TBL3: variants seen among roughly 807,000 people sequenced by gnomAD.
TBL3 encodes transducin beta-like protein 3.
In TBL3, 71 loss-of-function variants were observed where a neutral mutation model predicts 102.7. That is an observed-to-expected ratio of 0.69 (90% CI 0.57 to 0.84). The LOEUF (loss-of-function observed/expected upper bound fraction) is 0.84, where lower values mean the gene tolerates loss of function less well. TBL3 is among the 40% of genes least tolerant of loss of function. The pLI, the probability that TBL3 is intolerant of heterozygous loss-of-function variation, is 0.00. For missense variants in TBL3, 1,188 were observed against 1,098.5 expected (o/e 1.08, Z -1.15); for synonymous variants, 578 against 477.7 (o/e 1.21, Z -2.74).
rs1027565352 is a variant in TBL3 at position 1,978,076 on chromosome 16, C to A, written c.2062+15C>A. On this transcript the variant is annotated intron_variant, in intron 19 of 21. Transcript: ENST00000568546. ...TGTCATCCAGGGTCAGTGCCCACCCCGGGGGGCGAGGGGCTGGGTCTTCGG... is the reference window on the plus strand; with the variant it reads ...TGTCATCCAGGGTCAGTGCCCACCCAGGGGGGCGAGGGGCTGGGTCTTCGG... 16 of 1,603,996 alleles carry A rather than the reference C, an allele frequency of 1.0e-5. No homozygotes were observed. In the Admixed American group the frequency reaches 1.7e-4, roughly 17 times the overall value.
intron 11 of TBL3, 47 bp from the exon 12 acceptor site, chr16:1,976,009 C>T (rs775651211): frequency 6.2e-7 from 1 of 1,614,150 alleles, no homozygotes; most frequent in Non-Finnish European, 8.5e-7. Flanking sequence ...GCTTGCTTCC[C>T]TTCCCCCGTC....
intron 18 of TBL3, 61 bp downstream of exon 18, chr16:1,977,861 C>G (rs1225869697): frequency 1.3e-6 from 2 of 1,584,682 alleles, no homozygotes; most frequent in African/African-American, 2.7e-5. Flanking sequence ...GTAGGGAAAA[C>G]GAGGCTGAGT....
chr16:1,981,566 C>T lies in TBL3; in HGVS notation c.*2881C>T, dbSNP rs1003626090. On this transcript the variant is annotated 3_prime_UTR_variant, in exon 22 of 22. Coordinates refer to ENST00000568546, the MANE Select transcript of TBL3 (RefSeq NM_006453.3). ...GAGGAGAAGGCAGGGCTAATCAAAG[C>T]GCCACCTGTCCTGCCCACCTCTCTG... The T allele has an allele frequency of 1.5e-5, 4 of 262,304 alleles. No individual in the cohort carries two copies. The highest frequency in any genetic ancestry group is 5.7e-5 in the South Asian group (1 of 17,502). 16.2% of individuals were successfully genotyped at this position (262,304 alleles called of 1,614,324 possible).
chr16:1,973,246 G>A (rs1294595412), intron 1 of TBL3, among the ~76,000 whole-genome samples: 2 of 152,074 alleles, frequency 1.3e-5, no homozygotes, highest in African/African-American at 4.8e-5. Context: ...TTGAGACCAC[G>A]GTGAAACCCC....
rs1357024060 is a variant in TBL3 at position 1,980,877 on chromosome 16, G to A, written c.*2192G>A. 68 of 1,166,542 alleles carry A rather than the reference G, an allele frequency of 5.8e-5. No homozygotes were observed. Among genetic ancestry groups the A allele is most frequent in the Non-Finnish European group, 8.0e-5 (68 of 849,992 alleles). 72.3% of individuals were successfully genotyped at this position (1,166,542 alleles called of 1,614,324 possible). On this transcript the variant is annotated 3_prime_UTR_variant, in exon 22 of 22. Transcript: ENST00000568546. ...GGAGTCACTGATGGGAGGCAGTCCA[G>A]TGGGAGGCAGCCGCGTGGGGAAGCC...
In TBL3 at chr16:1,976,303, C is replaced by G. The variant is rs1356539956; in HGVS notation, c.1281C>G (p.Val427=). The G allele has an allele frequency of 6.2e-7, 1 of 1,613,344 alleles. No individual in the cohort carries two copies. Among genetic ancestry groups the G allele is most frequent in the Admixed American group, 1.7e-5 (1 of 59,948 alleles). The change falls in exon 13 of 22, where the codon GTC becomes GTG. Residue 427 remains valine (V), a synonymous_variant. Transcript: ENST00000568546. ...GSGHTHSVGT[V]CCSRLKESFL... ...GTCACACACACAGTGTGGGCACCGT[C>G]TGCTGCTCTAGGTAGTGAGTCGGGG...
At position 1,979,804 on chromosome 16, in the gene TBL3, G is replaced by C. The variant is rs1275189439; in HGVS notation, c.*1119G>C. ...TAGGCGCATACCGCTGCTCCCTAGG[G>C]ACGGGCCTCCCTCCCGGCCTTGGCC... On this transcript the variant is annotated 3_prime_UTR_variant, in exon 22 of 22. Coordinates refer to ENST00000568546, the MANE Select transcript of TBL3 (RefSeq NM_006453.3). 6.4e-7 allele frequency: 1 copy of C among 1,557,150 alleles called. No individual in the cohort carries two copies. The highest frequency in any genetic ancestry group is 1.4e-5 in the African/African-American group (1 of 73,562).
At position 1,979,152 on chromosome 16, in the gene TBL3, C is replaced by T; in HGVS notation, c.*467C>T. 6.8e-7 allele frequency: 1 copy of T among 1,465,296 alleles called. No individual in the cohort carries two copies. Among genetic ancestry groups the T allele is most frequent in the Non-Finnish European group, 8.9e-7 (1 of 1,119,236 alleles). 90.8% of individuals were successfully genotyped at this position (1,465,296 alleles called of 1,614,324 possible). ...CAGGGCCCTGCGTGTGACGGTGCAG[C>T]AGCGGCTCTGGATGGCGCCCGGCGA... On this transcript the variant is annotated 3_prime_UTR_variant, in exon 22 of 22. Transcript: ENST00000568546.
rs374185665 is a variant in TBL3 at position 1,975,124 on chromosome 16, G to A, written c.635+26G>A. 34 of 1,613,040 alleles carry A rather than the reference G, an allele frequency of 2.1e-5. No individual in the cohort carries two copies. In the East Asian group the frequency reaches 7.4e-4, roughly 35 times the overall value. On this transcript the variant is annotated intron_variant, in intron 7 of 21. Coordinates refer to ENST00000568546, the MANE Select transcript of TBL3 (RefSeq NM_006453.3). ...GTCAGCAGTGGGCCCTGGTAGGAGG[G>A]GGAGGCTTGGAAAGTGGGGGCTGAG...
chr16:1,977,376 T>A lies in TBL3; in HGVS notation c.1692T>A (p.Ala564=). 2.5e-6 allele frequency: 4 copies of A among 1,613,352 alleles called. 1 individual carries two copies. The South Asian group carries it at 3.3e-5, about 13-fold the overall frequency. The change falls in exon 16 of 22, where the codon GCT becomes GCA. Residue 564 remains alanine (A), a synonymous_variant. Coordinates refer to ENST00000568546, the MANE Select transcript of TBL3 (RefSeq NM_006453.3). ...SCLKTFEGHD[A]SVLKVAFVSR... ...TGCAGACATTTGAGGGGCACGATGC[T>A]TCTGTGCTGAAGGTGGCCTTTGTGA...
In TBL3 at chr16:1,977,034, C is replaced by G; in HGVS notation, c.1441-20C>G. On this transcript the variant is annotated intron_variant, in intron 14 of 21. Transcript: ENST00000568546. ...GGGAAGATGGGGGATTGCTGAGCCA[C>G]CACCTTCTCCCATTGCCAGGACATC... 1 of 1,612,792 alleles carries G rather than the reference C, an allele frequency of 6.2e-7. No individual in the cohort carries two copies. The highest frequency in any genetic ancestry group is 8.5e-7 in the Non-Finnish European group (1 of 1,179,450).
intron 7 of TBL3, 21 bp from the exon 8 acceptor site, chr16:1,975,166 A>C: frequency 1.2e-6 from 2 of 1,613,594 alleles, no homozygotes; most frequent in Non-Finnish European, 1.7e-6. Context: ...ACTTGACCTG[A>C]GGTTGCCGTT....
Position 1,980,201 on chromosome 16 carries a change from C to T in TBL3, c.*1516C>T, listed in dbSNP as rs761986635. The T allele has an allele frequency of 6.3e-7, 1 of 1,587,420 alleles. No individual in the cohort carries two copies. Among genetic ancestry groups the T allele is most frequent in the Non-Finnish European group, 8.5e-7 (1 of 1,170,044 alleles). On this transcript the variant is annotated 3_prime_UTR_variant, in exon 22 of 22. Coordinates refer to ENST00000568546, the MANE Select transcript of TBL3 (RefSeq NM_006453.3). The stretch of plus-strand genomic sequence containing the variant: ...ACCCGGCTGGGAAGGGCAGCCCGTA[C>T]GAGTGAGAGGTAGGCGGATGGGGAG...
At position 1,981,603 on chromosome 16, in the gene TBL3, C is replaced by A. The variant is rs375003659; in HGVS notation, c.*2918C>A. On this transcript the variant is annotated 3_prime_UTR_variant, in exon 22 of 22. Coordinates refer to ENST00000568546, the MANE Select transcript of TBL3 (RefSeq NM_006453.3). ...TGCCCACCTCTCTGGATTCCCCTACCCTGTGAGGTAATTGCCCTGCCAGGG... is the reference window on the plus strand; with the variant it reads ...TGCCCACCTCTCTGGATTCCCCTACACTGTGAGGTAATTGCCCTGCCAGGG... 26 of 202,408 alleles carry A rather than the reference C, an allele frequency of 1.3e-4. No homozygotes were observed. In the East Asian group the frequency reaches 2.6e-3, roughly 20 times the overall value. 12.5% of individuals were successfully genotyped at this position (202,408 alleles called of 1,614,324 possible).
chr16:1,973,328 G>A (rs1022584494), intron 1 of TBL3, among the ~76,000 whole-genome samples: 1 of 152,168 alleles, frequency 6.6e-6, no homozygotes, highest in African/African-American at 2.4e-5. Context: ...ACTCGGAGAG[G>A]CTGAGGCAGG....
At chr16:1,977,700 G>T in intron 17 of TBL3, 30 bp downstream of exon 17, 1 of 1,551,830 alleles carries the variant, frequency 6.4e-7, no homozygotes, top group South Asian at 1.2e-5. Context: ...GGGAAGAGTC[G>T]GGGTGGAGTG....
rs1159507908 is a variant in TBL3, at chr16:1,978,072, A to T, written c.2062+11A>T. 2.5e-6 allele frequency: 4 copies of T among 1,603,908 alleles called. No individual in the cohort carries two copies. Among genetic ancestry groups the T allele is most frequent in the Non-Finnish European group, 3.4e-6 (4 of 1,174,440 alleles). Reference sequence around the variant, plus strand: ...TGACTGTCATCCAGGGTCAGTGCCCACCCCGGGGGGCGAGGGGCTGGGTCT... The same window carrying T: ...TGACTGTCATCCAGGGTCAGTGCCCTCCCCGGGGGGCGAGGGGCTGGGTCT... On this transcript the variant is annotated intron_variant, in intron 19 of 21. Coordinates refer to ENST00000568546, the MANE Select transcript of TBL3 (RefSeq NM_006453.3).
chr16:1,975,307 G>A (rs1265061268), intron 8 of TBL3, 38 bp from the exon 9 acceptor site: 1 of 1,613,858 alleles, frequency 6.2e-7, no homozygotes, highest in African/African-American at 1.3e-5. Flanking sequence ...GGGTGGGGAG[G>A]GGGCATGATA....
At position 1,978,567 on chromosome 16, in the gene TBL3, G is replaced by A. The variant is rs1172110224; in HGVS notation, c.2309G>A (p.Arg770Gln). The A allele has an allele frequency of 1.2e-6, 2 of 1,607,430 alleles. No homozygotes were observed. The highest frequency in any genetic ancestry group is 1.7e-6 in the Non-Finnish European group (2 of 1,175,686). ...LLPYTERHFQ[R>Q]LSRTLQAAAF... ...CCAACCCCAGAGCGGCACTTTCAGCGGCTCAGCAGGACCCTCCAGGCCGCC... is the reference window on the plus strand; with the variant it reads ...CCAACCCCAGAGCGGCACTTTCAGCAGCTCAGCAGGACCCTCCAGGCCGCC... The change falls in exon 22 of 22, where the codon CGG becomes CAG. Residue 770 changes from arginine to glutamine, a missense_variant. Coordinates refer to ENST00000568546, the MANE Select transcript of TBL3 (RefSeq NM_006453.3).
Sources: allele counts gnomAD v4.1 joint callset (sites outside exome capture counted in the v4.1 genomes callset), GRCh38; gene constraint gnomAD v4.1.1; transcripts MANE v1.5; gene names NCBI Gene and HGNC (gene_info 2026-07-23, HGNC 2026-07-21).